The following FAM117A variants were observed in gnomAD, a reference collection of about 807,000 sequenced individuals.
FAM117A encodes family with sequence similarity 117 member A, also known as protein FAM117A.
Under a neutral mutation model 44.1 loss-of-function variants are expected in FAM117A, and 21 were observed. The observed-to-expected ratio is 0.48, with a 90% CI of 0.34 to 0.69. The LOEUF (loss-of-function observed/expected upper bound fraction) is 0.69, where lower values mean the gene tolerates loss of function less well. Among genes scored for constraint, FAM117A ranks in the 30% least tolerant of loss-of-function variants. The pLI, the probability that FAM117A is intolerant of heterozygous loss-of-function variation, is 0.01. For missense variants in FAM117A, 498 were observed against 589.9 expected (o/e 0.84, Z 1.61); for synonymous variants, 220 against 238.3 (o/e 0.92, Z 0.71).
intron 1 of FAM117A, among the ~76,000 whole-genome samples, chr17:49,763,123 T>TACACACACACACACAC (rs10603200): frequency 7.1e-6 from 1 of 141,068 alleles, no homozygotes; most frequent in Non-Finnish European, 1.5e-5. Flanking sequence ...TCCCCCCCGC[T>TACACACACACACACAC]ACACACACAC....
intron 1 of FAM117A, among the ~76,000 whole-genome samples, chr17:49,735,029 T>A (rs1440173732): frequency 6.6e-6 from 1 of 152,192 alleles, no homozygotes; most frequent in Non-Finnish European, 1.5e-5. Context: ...GTAGGAGTTA[T>A]TGTTTAATGG....
At chr17:49,785,372 C>T (rs1215469935) in intron 1 of FAM117A, among the ~76,000 whole-genome samples, 1 of 152,116 alleles carries the variant, frequency 6.6e-6, no homozygotes, top group Admixed American at 6.6e-5. Context: ...ATTAGCCAGG[C>T]ATGGTGGTGT....
At chr17:49,757,803 G>A (rs2073704696) in intron 1 of FAM117A, among the ~76,000 whole-genome samples, 1 of 152,170 alleles carries the variant, frequency 6.6e-6, no homozygotes, top group African/African-American at 2.4e-5. Flanking sequence ...TGTGAAGATT[G>A]AACCTAGACG....
At chr17:49,717,803 T>G (rs1252105924) in intron 5 of FAM117A, 89 bp from the exon 6 acceptor site, 4 of 1,076,194 alleles carry the variant, frequency 3.7e-6, no homozygotes, top group Non-Finnish European at 5.4e-6. Context: ...CCCTTGCTGC[T>G]GTCATTCTCT....
At chr17:49,724,606 G>T (rs1235335484) in intron 2 of FAM117A, 8 of 408,728 alleles carry the variant, frequency 2.0e-5, no homozygotes, top group East Asian at 7.1e-5. Context: ...ACTGAGGCGG[G>T]TGGATCACTT....
upstream of FAM117A, chr17:49,764,158 T>G (rs1229476939): frequency 2.6e-6 from 2 of 773,532 alleles, no homozygotes; most frequent in Admixed American, 3.2e-5. Flanking sequence ...AGGCCGCTGC[T>G]TATCTGCTGT....
intron 1 of FAM117A, among the ~76,000 whole-genome samples, chr17:49,770,341 A>G (rs74760258): frequency 0.025 from 3,811 of 151,824 alleles, 74 homozygotes; most frequent in Non-Finnish European, 0.042. Context: ...AGCTACTGAT[A>G]TTTGCTATAG....
intron 1 of FAM117A, among the ~76,000 whole-genome samples, chr17:49,736,335 C>A (rs1443243041): frequency 6.6e-6 from 1 of 151,814 alleles, no homozygotes; most frequent in African/African-American, 2.4e-5. Context: ...CGGCTTACTG[C>A]AAGCTCCGCC....
At chr17:49,732,361 C>A in intron 2 of FAM117A, 190 bp downstream of exon 2, 1 of 509,392 alleles carries the variant, frequency 2.0e-6, no homozygotes, top group South Asian at 2.5e-5. Context: ...GCCAAGATCG[C>A]ACCACTGCAC....
chr17:49,782,130 C>G (rs183672619), intron 1 of FAM117A, among the ~76,000 whole-genome samples: 1 of 152,008 alleles, frequency 6.6e-6, no homozygotes, highest in East Asian at 1.9e-4. Context: ...AATCCCAGCA[C>G]TTTGGGAGGC....
At chr17:49,736,596 T>G (rs1465165675) in intron 1 of FAM117A, among the ~76,000 whole-genome samples, 1 of 152,230 alleles carries the variant, frequency 6.6e-6, no homozygotes, top group Non-Finnish European at 1.5e-5. Flanking sequence ...CTGGTCCCAC[T>G]TACCTGTCCT....
chr17:49,768,106 T>C (rs1351985191), upstream of FAM117A, among the ~76,000 whole-genome samples: 1 of 152,130 alleles, frequency 6.6e-6, no homozygotes, highest in African/African-American at 2.4e-5. Flanking sequence ...GTCAGAGATA[T>C]AGCCATTCCC....
At chr17:49,778,276 T>A (rs1327287753) in intron 1 of FAM117A, among the ~76,000 whole-genome samples, 1 of 152,232 alleles carries the variant, frequency 6.6e-6, no homozygotes, top group Non-Finnish European at 1.5e-5. Context: ...AGAACACATT[T>A]CTTGAGTCCC....
intron 1 of FAM117A, among the ~76,000 whole-genome samples, chr17:49,775,550 T>C (rs1397043858): frequency 8.5e-5 from 13 of 152,174 alleles, no homozygotes; most frequent in Admixed American, 8.5e-4. Context: ...CGGCAGGCGG[T>C]TTCTCCTGCT....
chr17:49,736,515 G>A (rs763601203), intron 1 of FAM117A, among the ~76,000 whole-genome samples: 2 of 152,168 alleles, frequency 1.3e-5, no homozygotes, highest in African/African-American at 2.4e-5. Context: ...AAAGTGCTGG[G>A]ATTACATATG....
intron 1 of FAM117A, among the ~76,000 whole-genome samples, chr17:49,743,060 C>T (rs2073641025): frequency 1.3e-5 from 2 of 152,174 alleles, no homozygotes; most frequent in Non-Finnish European, 2.9e-5. Flanking sequence ...ATAGAAAAAA[C>T]TGAGACCTTT....
At chr17:49,744,446 G>C (rs1202593403) in intron 1 of FAM117A, among the ~76,000 whole-genome samples, 1 of 150,808 alleles carries the variant, frequency 6.6e-6, no homozygotes, top group Non-Finnish European at 1.5e-5. Context: ...CAGCCTCCCG[G>C]GTAGCTGGGA....
At chr17:49,715,694 C>A (rs989915293) in intron 7 of FAM117A, among the ~76,000 whole-genome samples, 4 of 152,140 alleles carry the variant, frequency 2.6e-5, no homozygotes, top group Admixed American at 6.6e-5. Context: ...AGACTTGACT[C>A]CGAAGCTCAA....
chr17:49,782,583 G>C (rs530419950), intron 1 of FAM117A, among the ~76,000 whole-genome samples: 2 of 151,242 alleles, frequency 1.3e-5, no homozygotes, highest in Non-Finnish European at 2.9e-5. Context: ...CCAGCTACTT[G>C]GGAGGCTGAG....
Sources: gnomAD v4.1 joint callset for allele counts (sites outside exome capture counted in the v4.1 genomes callset) on GRCh38, gnomAD v4.1.1 for gene constraint, MANE v1.5 for transcripts, NCBI Gene and HGNC (gene_info 2026-07-23, HGNC 2026-07-21) for gene names.